LAMB1: variants seen among roughly 807,000 people sequenced by gnomAD.
LAMB1 encodes laminin subunit beta-1.
A neutral mutation model predicts 222.3 loss-of-function variants in LAMB1; 121 were observed. That is an observed-to-expected ratio of 0.54 (90% CI 0.47 to 0.63). The LOEUF is 0.63. LAMB1 is among the 30% of genes least tolerant of loss of function. The probability of loss-of-function intolerance (pLI) is 0.00; values close to 1 mark genes in which losing one functional copy is unlikely to be tolerated. For synonymous variants in LAMB1, 794 were observed against 807.2 expected (o/e 0.98, Z 0.28); for missense variants, 2,172 against 2,240.8 (o/e 0.97, Z 0.62).
intron 4 of LAMB1, among the ~76,000 whole-genome samples, chr7:107,996,424 C>T (rs1322555731): frequency 2.6e-5 from 4 of 152,166 alleles, no homozygotes; most frequent in South Asian, 4.1e-4. Context: ...ATTCCAAGCT[C>T]GTTTCTGTGC....
In LAMB1 at chr7:107,998,472, T is replaced by C. The variant is rs529426937; in HGVS notation, c.234A>G (p.Ile78Met). The C allele has an allele frequency of 2.3e-5, 37 of 1,613,746 alleles. No homozygotes were observed. Among genetic ancestry groups the C allele is most frequent in the South Asian group, 3.3e-5 (3 of 90,990 alleles). The change falls in exon 4 of 34, where the codon ATA (isoleucine) becomes ATG (methionine). Residue 78 changes from isoleucine (I) to methionine (M), a missense_variant. Transcript: ENST00000222399. ...SHLQEDKKCF[I>M]CNSQDPYHET... is the part of the protein sequence containing the mutation. ...CATGATAAGGATCTTGGGAATTGCA[T>C]ATGAAGCATTTTTTGTCCTCCTACA... is the stretch of plus-strand genomic sequence containing the variant.
chr7:107,967,620 T>G (rs2033661215), intron 13 of LAMB1, among the ~76,000 whole-genome samples: 1 of 152,168 alleles, frequency 6.6e-6, no homozygotes, highest in South Asian at 2.1e-4. Context: ...TATTTACTGA[T>G]CAAATATTGG....
At chr7:107,951,936 C>G in intron 23 of LAMB1, 73 bp downstream of exon 23, 2 of 1,340,676 alleles carry the variant, frequency 1.5e-6, no homozygotes, top group South Asian at 1.4e-5. Flanking sequence ...GTGCCTTGCT[C>G]TAACTGGGGC....
intron 4 of LAMB1, 43 bp downstream of exon 4, chr7:107,998,314 T>C (rs201428678): frequency 1.2e-6 from 2 of 1,601,096 alleles, no homozygotes; most frequent in East Asian, 2.2e-5. Flanking sequence ...ACCCAAGTTA[T>C]CAATCACACT....
intron 13 of LAMB1, among the ~76,000 whole-genome samples, chr7:107,966,793 G>A (rs2033645769): frequency 6.6e-6 from 1 of 152,224 alleles, no homozygotes; most frequent in African/African-American, 2.4e-5. Context: ...GGCGCCAGCA[G>A]GCTCCCGGTG....
intron 5 of LAMB1, among the ~76,000 whole-genome samples, chr7:107,987,000 A>G (rs2034091520): frequency 6.6e-6 from 1 of 151,848 alleles, no homozygotes; most frequent in African/African-American, 2.4e-5. Flanking sequence ...CTTGTACATG[A>G]ATGTTCACCA....
chr7:107,926,502 GAA>G (rs889262048), intron 31 of LAMB1, 143 bp from the exon 32 acceptor site: 12 of 630,016 alleles, frequency 1.9e-5, no homozygotes, highest in Non-Finnish European at 2.7e-5. Context: ...AATATTTCAG[GAA>G]AAGTTACATG....
At chr7:107,948,410 G>T (rs2033174932) in intron 24 of LAMB1, among the ~76,000 whole-genome samples, 2 of 152,172 alleles carry the variant, frequency 1.3e-5, no homozygotes, top group African/African-American at 4.8e-5. Context: ...TAAAGATAAG[G>T]TTGGAGAGAT....
intron 25 of LAMB1, 132 bp downstream of exon 25, chr7:107,939,857 C>G: frequency 2.8e-6 from 3 of 1,057,334 alleles, no homozygotes; most frequent in Non-Finnish European, 4.1e-6. Flanking sequence ...AAATAAATGG[C>G]TCAGAATCTG....
intron 27 of LAMB1, 104 bp from the exon 28 acceptor site, chr7:107,932,481 C>T (rs1030784904): frequency 2.6e-5 from 28 of 1,081,976 alleles, no homozygotes; most frequent in Non-Finnish European, 3.8e-5. Flanking sequence ...GTAGGTGGTC[C>T]TCAGCAAGGG....
rs148694066 is a variant in LAMB1, at chr7:107,979,196, T to TTC, written c.880-1031_880-1030dup. On this transcript the variant is annotated intron_variant, in intron 8 of 33. Transcript: ENST00000222399. ...TAAAGGGAACATAATCTACCTAGCATTCTGAAAGATGGACCAATAAGATTA... is the reference window on the plus strand; with the variant it reads ...TAAAGGGAACATAATCTACCTAGCATTCTCTGAAAGATGGACCAATAAGATTA... Among the ~76,000 whole-genome samples the TTC allele has an allele frequency of 7.9e-3, 1,204 of 152,316 alleles. 22 individuals carry two copies. Among genetic ancestry groups the TTC allele is most frequent in the African/African-American group, 0.027 (1,136 of 41,558 alleles).
At position 107,975,255 on chromosome 7, in the gene LAMB1, C is replaced by T. The variant is rs146563528; in HGVS notation, c.1348G>A (p.Glu450Lys). ...CTACATTTACAACCAAATGGATCTT[C>T]ACTGCTTAAATCATAGAAGCCTTCT... is the stretch of plus-strand genomic sequence containing the variant. Reference protein sequence around the residue: ...CKEGFYDLSSEDPFGCKSCAC... With the variant: ...CKEGFYDLSSKDPFGCKSCAC... The change falls in exon 11 of 34, where the codon GAA becomes AAA. Residue 450 changes from glutamate (E) to lysine (K), a missense_variant. By Grantham distance (56) the Glu-to-Lys change is moderately conservative. Coordinates refer to ENST00000222399, the MANE Select transcript of LAMB1 (RefSeq NM_002291.3). 5 of 1,613,524 alleles carry T rather than the reference C, an allele frequency of 3.1e-6. No homozygotes were observed. The highest frequency in any genetic ancestry group is 4.2e-6 in the Non-Finnish European group (5 of 1,179,760).
At chr7:107,966,799 C>T (rs1292458439) in intron 13 of LAMB1, among the ~76,000 whole-genome samples, 1 of 152,196 alleles carries the variant, frequency 6.6e-6, no homozygotes, top group East Asian at 1.9e-4. Context: ...AGCAGGCTCC[C>T]GGTGCTGCCT....
At chr7:107,934,920 A>AAGAGG (rs2032803335) in intron 27 of LAMB1, among the ~76,000 whole-genome samples, 1 of 6,044 alleles carries the variant, frequency 1.7e-4, no homozygotes, top group Non-Finnish European at 3.0e-4. Flanking sequence ...AAAAAAAAAA[A>AAGAGG]GCGGGGGTGG....
chr7:107,960,438 T>C lies in LAMB1; in HGVS notation c.2314+7A>G, dbSNP rs1286257353. The C allele has an allele frequency of 2.5e-6, 4 of 1,610,774 alleles. No homozygotes were observed. Among genetic ancestry groups the C allele is most frequent in the Non-Finnish European group, 8.5e-7 (1 of 1,177,402 alleles). On this transcript the variant is annotated splice_region_variant and intron_variant, in intron 18 of 33. Transcript: ENST00000222399. ...AGCAGCTGCTGCAGCTGCCCAGCAATACCTACCCAGGCCTGTCTGGTGTAA... is the reference window on the plus strand; with the variant it reads ...AGCAGCTGCTGCAGCTGCCCAGCAACACCTACCCAGGCCTGTCTGGTGTAA...
At chr7:107,982,339 C>G (rs1462272567) in intron 7 of LAMB1, among the ~76,000 whole-genome samples, 7 of 152,176 alleles carry the variant, frequency 4.6e-5, no homozygotes, top group African/African-American at 1.7e-4. Flanking sequence ...CATAAGACAA[C>G]AGGGTAGTGG....
In LAMB1 at chr7:107,935,575, T is replaced by C. The variant is rs767196821; in HGVS notation, c.4028A>G (p.Asn1343Ser). The C allele has an allele frequency of 6.2e-7, 1 of 1,613,956 alleles. No individual in the cohort carries two copies. Among genetic ancestry groups the C allele is most frequent in the Non-Finnish European group, 8.5e-7 (1 of 1,179,934 alleles). ...ERVNASTTEP[N>S]STVEQSALMR... ...GAGGGCTGACTGCTCCACAGTGCTG[T>C]TGGGTTCTGTGGTGGAGGCATTCAC... Residue 1343 changes from asparagine to serine, a missense_variant, in exon 27 of 34, where the codon AAC (asparagine) becomes AGC (serine). Transcript: ENST00000222399.
At chr7:107,995,310 C>T (rs1365440296) in intron 4 of LAMB1, among the ~76,000 whole-genome samples, 1 of 152,186 alleles carries the variant, frequency 6.6e-6, no homozygotes, top group Non-Finnish European at 1.5e-5. Context: ...CCAAGCTGCT[C>T]TCAAAGGAAA....
chr7:107,997,299 T>C (rs553168314), intron 4 of LAMB1, among the ~76,000 whole-genome samples: 45 of 152,302 alleles, frequency 3.0e-4, no homozygotes, highest in African/African-American at 1.1e-3. Context: ...GACATGTGCC[T>C]GTAATCCCAG....
Sources: allele counts gnomAD v4.1 joint callset (sites outside exome capture counted in the v4.1 genomes callset), GRCh38; gene constraint gnomAD v4.1.1; transcripts MANE v1.5; gene names NCBI Gene and HGNC (gene_info 2026-07-23, HGNC 2026-07-21).